The following GRIA3 variants were observed in gnomAD, a reference collection of about 807,000 sequenced individuals.
GRIA3 encodes glutamate receptor 3.
GRIA3 carries 3 observed loss-of-function variants against 63.0 expected under a neutral mutation model. That is an observed-to-expected ratio of 0.05 (90% CI 0.02 to 0.12). GRIA3 has a LOEUF of 0.12. Among genes scored for constraint, GRIA3 ranks in the 10% least tolerant of loss-of-function variants. The probability of loss-of-function intolerance (pLI) is 1.00; values close to 1 mark genes in which losing one functional copy is unlikely to be tolerated. For missense variants in GRIA3, 347 were observed against 700.9 expected, an observed-to-expected ratio of 0.50 and a Z score of 5.70; for synonymous variants, 274 against 257.9, an observed-to-expected ratio of 1.06 and a Z score of -0.60.
chrX:123,362,709 T>C (rs1472869446), intron 5 of GRIA3, among the ~76,000 whole-genome samples: 1 of 100,718 alleles, frequency 9.9e-6, no homozygotes, highest in Non-Finnish European at 2.0e-5. Flanking sequence ...TCAATGAAGC[T>C]GTTAGTAAAA....
At chrX:123,359,663 G>A (rs1276643232) in intron 5 of GRIA3, among the ~76,000 whole-genome samples, 1 of 111,986 alleles carries the variant, frequency 8.9e-6, no homozygotes, top group Non-Finnish European at 1.9e-5. Context: ...ATTACACAGG[G>A]CAAATTGGAT....
intron 5 of GRIA3, 124 bp downstream of exon 5, chrX:123,355,087 G>T: frequency 1.8e-6 from 1 of 557,650 alleles, no homozygotes; most frequent in Non-Finnish European, 3.2e-6. Flanking sequence ...AAATGACTTC[G>T]GTAAATACCA....
chrX:123,368,478 G>A (rs1229169380), intron 5 of GRIA3, among the ~76,000 whole-genome samples: 1 of 110,967 alleles, frequency 9.0e-6, no homozygotes, highest in African/African-American at 3.3e-5. Flanking sequence ...AGAAGTTTTA[G>A]GAAACCAGGG....
At chrX:123,226,659 G>C (rs949426289) in intron 2 of GRIA3, among the ~76,000 whole-genome samples, 1 of 111,351 alleles carries the variant, frequency 9.0e-6, no homozygotes, top group African/African-American at 3.3e-5. Flanking sequence ...GACTCTGAAA[G>C]AAAAATTATA....
At chrX:123,226,453 T>A (rs2044247566) in intron 2 of GRIA3, among the ~76,000 whole-genome samples, 1 of 111,638 alleles carries the variant, frequency 9.0e-6, no homozygotes, top group South Asian at 3.8e-4. Flanking sequence ...AAGTTTCCCA[T>A]TGCTTCAGTT....
At chrX:123,205,081 G>A (rs1204960330) in intron 2 of GRIA3, among the ~76,000 whole-genome samples, 1 of 111,535 alleles carries the variant, frequency 9.0e-6, no homozygotes, top group Admixed American at 9.6e-5. Flanking sequence ...GGGAGCATCG[G>A]GTAGAAAATC....
chrX:123,310,886 C>G (rs1443396207), intron 3 of GRIA3, among the ~76,000 whole-genome samples: 1 of 110,412 alleles, frequency 9.1e-6, no homozygotes. Flanking sequence ...ACTTGCAATC[C>G]CAGCTACTCA....
intron 3 of GRIA3, among the ~76,000 whole-genome samples, chrX:123,298,174 A>G (rs958671066): frequency 8.1e-5 from 9 of 111,362 alleles, no homozygotes; most frequent in Admixed American, 2.9e-4. Context: ...GCTATTGTGA[A>G]TATGCTGCAA....
intron 3 of GRIA3, among the ~76,000 whole-genome samples, chrX:123,288,905 A>C (rs1337283783): frequency 1.8e-5 from 2 of 111,944 alleles, no homozygotes; most frequent in African/African-American, 6.5e-5. Context: ...TTGACCCAGC[A>C]ATCGCATTAC....
At chrX:123,352,114 C>G (rs1317822904) in intron 4 of GRIA3, among the ~76,000 whole-genome samples, 4 of 107,526 alleles carry the variant, frequency 3.7e-5, no homozygotes, top group Admixed American at 9.9e-5. Flanking sequence ...GAGTTTCACT[C>G]TCGTTGCCCA....
intron 11 of GRIA3, among the ~76,000 whole-genome samples, chrX:123,423,202 G>A (rs2045571908): frequency 9.0e-6 from 1 of 111,724 alleles, no homozygotes; most frequent in Non-Finnish European, 1.9e-5. Flanking sequence ...ACTGTGTATA[G>A]ATGTTTCCAA....
intron 5 of GRIA3, among the ~76,000 whole-genome samples, chrX:123,383,944 G>C (rs1257213765): frequency 9.0e-6 from 1 of 111,227 alleles, no homozygotes; most frequent in Non-Finnish European, 1.9e-5. Flanking sequence ...CCACTTATAA[G>C]TGAAAACATG....
intron 14 of GRIA3, among the ~76,000 whole-genome samples, chrX:123,481,028 C>T (rs1185541664): frequency 9.0e-6 from 1 of 111,532 alleles, no homozygotes; most frequent in Non-Finnish European, 1.9e-5. Context: ...TGCAATGAAC[C>T]ATTTTGCTAC....
intron 5 of GRIA3, among the ~76,000 whole-genome samples, chrX:123,390,153 A>G (rs982765837): frequency 1.8e-5 from 2 of 110,839 alleles, no homozygotes; most frequent in Admixed American, 9.6e-5. Flanking sequence ...ACTGCTTATC[A>G]TTGTGGTTTG....
intron 4 of GRIA3, among the ~76,000 whole-genome samples, chrX:123,326,538 C>T: frequency 8.9e-6 from 1 of 112,040 alleles, no homozygotes; most frequent in Admixed American, 9.4e-5. Context: ...TAATCCCCTT[C>T]CTTTCCCATA....
chrX:123,466,288 G>C (rs1255694616), intron 13 of GRIA3, among the ~76,000 whole-genome samples: 1 of 111,884 alleles, frequency 8.9e-6, no homozygotes, highest in Non-Finnish European at 1.9e-5. Flanking sequence ...TTCTCTATAT[G>C]TGATAGCCCA....
chrX:123,464,993 G>T lies in GRIA3; in HGVS notation c.2205G>T (p.Leu735=), dbSNP rs1273219330. ...AGTCCAAGGGAAAGTTCGCCTTCCT[G>T]CTGGAGTCAACCATGAATGAGTACA... ...VRKSKGKFAF[L]LESTMNEYIE... is the part of the protein sequence containing the mutation. The change falls in exon 13 of 16, where the codon CTG becomes CTT. Residue 735 remains leucine, a synonymous_variant. Transcript: ENST00000620443. 4 of 1,208,686 alleles carry T rather than the reference G, an allele frequency of 3.3e-6. No individual in the cohort carries two copies. The highest frequency in any genetic ancestry group is 4.5e-6 in the Non-Finnish European group (4 of 894,378).
At chrX:123,300,995 T>C (rs1288113058) in intron 3 of GRIA3, among the ~76,000 whole-genome samples, 1 of 111,335 alleles carries the variant, frequency 9.0e-6, no homozygotes, top group Non-Finnish European at 1.9e-5. Context: ...AATTTCTTAG[T>C]CTTCATTTGT....
chrX:123,266,727 C>T (rs888246909), intron 3 of GRIA3, among the ~76,000 whole-genome samples: 1 of 111,771 alleles, frequency 8.9e-6, no homozygotes, highest in Non-Finnish European at 1.9e-5. Flanking sequence ...ACTCTCTTCT[C>T]CACCCATCCC....
Sources: gnomAD v4.1 joint callset for allele counts (sites outside exome capture counted in the v4.1 genomes callset) on GRCh38, gnomAD v4.1.1 for gene constraint, MANE v1.5 for transcripts, NCBI Gene and HGNC (gene_info 2026-07-23, HGNC 2026-07-21) for gene names.